DDAH1: variants seen among roughly 807,000 people sequenced by gnomAD.
DDAH1 encodes the protein dimethylarginine dimethylaminohydrolase 1, also known as N(G),N(G)-dimethylarginine dimethylaminohydrolase 1.
DDAH1 carries 19 observed loss-of-function variants against 28.8 expected under a neutral mutation model. The observed-to-expected ratio is 0.66, with a 90% CI of 0.46 to 0.97. The LOEUF (loss-of-function observed/expected upper bound fraction) is 0.97. Ranked by LOEUF, DDAH1 falls within the 50% of genes least tolerant of loss-of-function variation. The pLI is 0.00. For missense variants in DDAH1, 326 were observed against 375.9 expected (o/e 0.87, Z 1.10); for synonymous variants, 153 against 154.4 (o/e 0.99, Z 0.07).
At chr1:85,355,289 G>C (rs1649434157) in intron 2 of DDAH1, among the ~76,000 whole-genome samples, 1 of 152,036 alleles carries the variant, frequency 6.6e-6, no homozygotes, top group Non-Finnish European at 1.5e-5. Flanking sequence ...AAAGTTTAAG[G>C]AATATATAAT....
intron 1 of DDAH1, among the ~76,000 whole-genome samples, chr1:85,499,093 G>T (rs745597372): frequency 2.0e-5 from 3 of 151,424 alleles, no homozygotes; most frequent in Non-Finnish European, 2.9e-5. Flanking sequence ...CAATTAACAG[G>T]CAGAGATTAT....
rs79638584 is a variant in DDAH1 at position 85,333,632 on chromosome 1, T to C, written c.598-8749A>G. On this transcript the variant is annotated intron_variant, in intron 4 of 5. Coordinates refer to ENST00000284031, the MANE Select transcript of DDAH1 (RefSeq NM_012137.4). ...GAGAAATTCACCAAGGAGATAGACA[T>C]ATAAAAAAGAACCAAAGAGAAATCC... is the stretch of plus-strand genomic sequence containing the variant. 6.1e-3 allele frequency among the ~76,000 whole-genome samples: 920 copies of C among 150,078 alleles called. 9 individuals are homozygous for C. Among genetic ancestry groups the C allele is most frequent in the African/African-American group, 0.022 (887 of 40,764 alleles).
At chr1:85,508,791 C>A (rs1408804574) in intron 1 of DDAH1, among the ~76,000 whole-genome samples, 1 of 152,220 alleles carries the variant, frequency 6.6e-6, no homozygotes, top group Non-Finnish European at 1.5e-5. Context: ...ATTGCTGAGG[C>A]TTGAGTAGGT....
rs566240210 is a variant in DDAH1 at position 85,479,796 on chromosome 1, G to C, written c.-7+16370C>G. Among the ~76,000 whole-genome samples the C allele has an allele frequency of 3.9e-5, 6 of 152,290 alleles. No individual in the cohort carries two copies. In the South Asian group the frequency reaches 1.2e-3, roughly 32 times the overall value. On this transcript the variant is annotated intron_variant, in intron 2 of 6. Coordinates refer to the DDAH1 transcript ENST00000426972. Reference sequence around the variant, plus strand: ...CTTTAGGGTGAAAATGGTGCTTCCAGCTTCCATCTGTTTGGCCCTGCTTGG... The same window carrying C: ...CTTTAGGGTGAAAATGGTGCTTCCACCTTCCATCTGTTTGGCCCTGCTTGG...
upstream of DDAH1, chr1:85,465,189 A>T (rs1655321949): frequency 8.8e-6 from 10 of 1,134,262 alleles, 1 homozygote; most frequent in Non-Finnish European, 1.1e-5. Flanking sequence ...TCGCGCCCGG[A>T]GCCCTGCCCG....
chr1:85,458,645 C>T (rs922482035), intron 1 of DDAH1, among the ~76,000 whole-genome samples: 2 of 151,856 alleles, frequency 1.3e-5, no homozygotes, highest in Non-Finnish European at 2.9e-5. Context: ...ATGAAAAGCC[C>T]CTGCTTATGA....
chr1:85,486,319 C>G (rs1656202934), intron 2 of DDAH1, among the ~76,000 whole-genome samples: 1 of 152,120 alleles, frequency 6.6e-6, no homozygotes, highest in South Asian at 2.1e-4. Flanking sequence ...GGAATGCTCA[C>G]CAGAGTTTTC....
intron 1 of DDAH1, among the ~76,000 whole-genome samples, chr1:85,422,875 C>T (rs1163805194): frequency 3.9e-5 from 6 of 152,234 alleles, no homozygotes; most frequent in East Asian, 1.9e-4. Context: ...GCCATATGAG[C>T]GCGCAGCAAG....
At chr1:85,477,700 T>A (rs556528791) in intron 2 of DDAH1, among the ~76,000 whole-genome samples, 1 of 152,010 alleles carries the variant, frequency 6.6e-6, no homozygotes, top group East Asian at 1.9e-4. Context: ...TATATTATGA[T>A]GTGAAATTTT....
chr1:85,428,183 T>C (rs1653499333), intron 1 of DDAH1, among the ~76,000 whole-genome samples: 1 of 152,164 alleles, frequency 6.6e-6, no homozygotes, highest in Non-Finnish European at 1.5e-5. Flanking sequence ...AGGATATTAT[T>C]GTATGTGTAG....
chr1:85,324,882 A>T lies in DDAH1; in HGVS notation c.599T>A (p.Ile200Asn). 1.2e-6 allele frequency: 2 copies of T among 1,613,942 alleles called. No homozygotes were observed. ...SSESAQKALK[I>N]MQQMSDHRYD... ...GCGGTGGTCACTCATCTGTTGCATGATCTATAAAGAGAAACAAAGCAGGCC... is the reference window on the plus strand; with the variant it reads ...GCGGTGGTCACTCATCTGTTGCATGTTCTATAAAGAGAAACAAAGCAGGCC... The change falls in exon 5 of 6, where the codon ATC becomes AAC. Residue 200 changes from isoleucine to asparagine, a missense_variant and splice_region_variant. By Grantham distance (149) the Ile-to-Asn change is moderately radical. Transcript: ENST00000284031.
rs192533823 is a variant in DDAH1, at chr1:85,440,374, C to T, written c.303+24369G>A. Among the ~76,000 whole-genome samples the T allele has an allele frequency of 5.9e-5, 9 of 152,302 alleles. No homozygotes were observed. In the East Asian group the frequency reaches 1.4e-3, roughly 23 times the overall value. ...CTCCATGCTCTTTTGCTATTAGCCT[C>T]TCTCCTCTACAACTTTCCAAAATCC... On this transcript the variant is annotated intron_variant, in intron 1 of 5. Coordinates refer to ENST00000284031, the MANE Select transcript of DDAH1 (RefSeq NM_012137.4).
At chr1:85,571,853 A>C (rs2100568272) in intron 1 of DDAH1, among the ~76,000 whole-genome samples, 1 of 146,372 alleles carries the variant, frequency 6.8e-6, no homozygotes, top group South Asian at 2.1e-4. Flanking sequence ...AGAAGGGGTA[A>C]ATGATTTCAG....
At chr1:85,496,379 A>T (rs1252793201) in intron 1 of DDAH1, 2 of 187,712 alleles carry the variant, frequency 1.1e-5, no homozygotes, top group Non-Finnish European at 2.0e-5. Context: ...GAGAGAAGAG[A>T]ATTCATGAAA....
chr1:85,457,133 T>C (rs1293966832), intron 1 of DDAH1, among the ~76,000 whole-genome samples: 1 of 152,168 alleles, frequency 6.6e-6, no homozygotes, highest in Non-Finnish European at 1.5e-5. Flanking sequence ...TTTGGTGAAC[T>C]TGGAATTGGA....
chr1:85,321,350 C>A lies in DDAH1; in HGVS notation c.*102G>T. On this transcript the variant is annotated 3_prime_UTR_variant, in exon 6 of 6. Coordinates refer to ENST00000284031, the MANE Select transcript of DDAH1 (RefSeq NM_012137.4). ...AAATTTTGTAAACAAGAGTTAGTAG[C>A]ACAGTGGCACAGTAGATTGTCAAGG... is the stretch of plus-strand genomic sequence containing the variant. 2 of 754,100 alleles carry A rather than the reference C, an allele frequency of 2.7e-6. No individual in the cohort carries two copies. The highest frequency in any genetic ancestry group is 2.0e-5 in the Admixed American group (1 of 49,160). 46.7% of individuals were successfully genotyped at this position (754,100 alleles called of 1,614,324 possible).
At chr1:85,417,441 AC>A (rs1054819427) in intron 1 of DDAH1, among the ~76,000 whole-genome samples, 1 of 151,354 alleles carries the variant, frequency 6.6e-6, no homozygotes, top group Non-Finnish European at 1.5e-5. Flanking sequence ...CAATATCACC[AC>A]CCCCACACCC....
intron 2 of DDAH1, among the ~76,000 whole-genome samples, chr1:85,356,862 T>C (rs958682781): frequency 2.6e-5 from 4 of 152,332 alleles, no homozygotes; most frequent in Admixed American, 2.0e-4. Flanking sequence ...TAAGTTGCAC[T>C]TTCACACTGA....
chr1:85,575,070 T>C (rs1157574617), intron 1 of DDAH1, among the ~76,000 whole-genome samples: 1 of 151,394 alleles, frequency 6.6e-6, no homozygotes, highest in Non-Finnish European at 1.5e-5. Context: ...GGAGACCCCA[T>C]CTCTACAAAA....
Sources: allele counts gnomAD v4.1 joint callset (sites outside exome capture counted in the v4.1 genomes callset), GRCh38; gene constraint gnomAD v4.1.1; transcripts MANE v1.5; gene names NCBI Gene and HGNC (gene_info 2026-07-23, HGNC 2026-07-21).